The following LRRIQ1 variants were observed in gnomAD, a reference collection of about 807,000 sequenced individuals.
LRRIQ1 encodes the protein leucine-rich repeat- and IQ domain-containing protein 1.
A neutral mutation model predicts 211.9 loss-of-function variants in LRRIQ1; 210 were observed. That is an observed-to-expected ratio of 0.99 (90% confidence interval 0.89 to 1.11). LRRIQ1 has a LOEUF of 1.11. Among genes scored for constraint, LRRIQ1 ranks in the 50% most tolerant of loss-of-function variants. The pLI, the probability that LRRIQ1 is intolerant of heterozygous loss-of-function variation, is 0.00. For missense variants in LRRIQ1, 2,136 were observed against 1,939.5 expected, an observed-to-expected ratio of 1.10 and a Z score of -1.90; for synonymous variants, 699 against 650.1, an observed-to-expected ratio of 1.08 and a Z score of -1.14.
At chr12:85,214,661 A>T (rs1336956221) in intron 24 of LRRIQ1, among the ~76,000 whole-genome samples, 1 of 152,094 alleles carries the variant, frequency 6.6e-6, no homozygotes, top group Non-Finnish European at 1.5e-5. Context: ...GGTTTTCTAA[A>T]TCTTATTTTA....
At chr12:85,083,484 G>A (rs371075633) in intron 11 of LRRIQ1, among the ~76,000 whole-genome samples, 29 of 151,030 alleles carry the variant, frequency 1.9e-4, no homozygotes, top group African/African-American at 6.8e-4. Context: ...TCTGTCGCCA[G>A]GCTGGAGTGC....
rs61740038 is a variant in LRRIQ1, at chr12:85,124,199, A to G, written c.3687A>G (p.Glu1229=). The G allele has an allele frequency of 3.6e-3, 5,770 of 1,614,146 alleles. 175 individuals carry two copies. In the African/African-American group the frequency reaches 0.068, roughly 19 times the overall value. Residue 1229 remains glutamate, a synonymous_variant, in exon 17 of 27, where the codon GAA becomes GAG. Transcript: ENST00000393217. The stretch of plus-strand genomic sequence containing the variant: ...CTATCACCAAGAAAGATGAATCAGA[A>G]GCCCAGAAAAATCATTTGGCCCCTA... The part of the protein sequence containing the change: ...DVTITKKDES[E]AQKNHLAPTN...
At chr12:85,263,189 C>A (rs1410814711) in exon 2 of LRRIQ1, 4 of 458,526 alleles carry the variant, frequency 8.7e-6, no homozygotes, top group Non-Finnish European at 1.2e-5. Context: ...ACGTATTTCA[C>A]AAGTTTGTTT....
intron 24 of LRRIQ1, among the ~76,000 whole-genome samples, chr12:85,180,738 C>T (rs544427650): frequency 6.6e-6 from 1 of 151,936 alleles, no homozygotes; most frequent in Admixed American, 6.6e-5. Flanking sequence ...ATGTATTGAA[C>T]TTGGCTATTG....
intron 24 of LRRIQ1, among the ~76,000 whole-genome samples, chr12:85,215,269 T>G (rs533237063): frequency 6.6e-6 from 1 of 152,202 alleles, no homozygotes; most frequent in Non-Finnish European, 1.5e-5. Flanking sequence ...GTTGAAGATA[T>G]GCATACCCTA....
intron 21 of LRRIQ1, 91 bp downstream of exon 21, chr12:85,153,236 T>A (rs1237981573): frequency 8.4e-7 from 1 of 1,190,064 alleles, no homozygotes; most frequent in Non-Finnish European, 1.2e-6. Context: ...AAACTAGATG[T>A]GAATTTACTT....
At chr12:85,053,203 GAT>G (rs1369082754) in intron 7 of LRRIQ1, among the ~76,000 whole-genome samples, 2 of 152,068 alleles carry the variant, frequency 1.3e-5, no homozygotes, top group South Asian at 2.1e-4. Flanking sequence ...ATGGTGAAAA[GAT>G]ATAAAATTTG....
Position 85,193,430 on chromosome 12 carries a change from G to A in LRRIQ1, c.4822+32716G>A, listed in dbSNP as rs1592949288. ...TTAAGGGCAGCCAGAGAGAAAGGTC[G>A]GGTTACCCTCAAAGGGAAGCCCATC... On this transcript the variant is annotated intron_variant, in intron 24 of 26. Transcript: ENST00000393217. Among the ~76,000 whole-genome samples, 7 of 134,274 alleles carry A rather than the reference G, an allele frequency of 5.2e-5. No homozygotes were observed. The South Asian group carries it at 1.5e-3, about 29-fold the overall frequency. 88.1% of individuals were successfully genotyped at this position (134,274 alleles called of 152,430 possible). A position where few individuals can be genotyped will look rare whatever the true frequency, so the allele number is the denominator to read the frequency against.
intron 24 of LRRIQ1, among the ~76,000 whole-genome samples, chr12:85,182,839 G>A (rs1353295304): frequency 6.6e-6 from 1 of 152,152 alleles, no homozygotes; most frequent in African/African-American, 2.4e-5. Context: ...AATTCAACTT[G>A]ATGCCTGAAA....
At chr12:85,117,976 T>C (rs1408676985) in intron 15 of LRRIQ1, among the ~76,000 whole-genome samples, 38 of 152,160 alleles carry the variant, frequency 2.5e-4, no homozygotes, top group Non-Finnish European at 8.8e-5. Flanking sequence ...GGACAGCTGA[T>C]TTCTTCATTT....
At chr12:85,184,924 A>G (rs960008655) in intron 24 of LRRIQ1, among the ~76,000 whole-genome samples, 1 of 151,998 alleles carries the variant, frequency 6.6e-6, no homozygotes, top group African/African-American at 2.4e-5. Flanking sequence ...ATATTAAGAA[A>G]AGCCTCTGAA....
At chr12:85,151,403 C>A (rs1322486966) in intron 19 of LRRIQ1, among the ~76,000 whole-genome samples, 1 of 151,544 alleles carries the variant, frequency 6.6e-6, no homozygotes, top group South Asian at 2.1e-4. Flanking sequence ...GCATTTACAT[C>A]CCCTCAGAAT....
chr12:85,125,153 A>G (rs1020669148), intron 17 of LRRIQ1, among the ~76,000 whole-genome samples: 10 of 152,102 alleles, frequency 6.6e-5, no homozygotes, highest in African/African-American at 2.4e-4. Context: ...CACTCCAGCC[A>G]GGGTGACAGA....
chr12:85,048,795 T>C (rs73379743), intron 6 of LRRIQ1, among the ~76,000 whole-genome samples: 4 of 152,124 alleles, frequency 2.6e-5, no homozygotes. Context: ...GTAGTATTTG[T>C]TGGTTTGTAC....
chr12:85,149,598 A>T (rs183548796), intron 19 of LRRIQ1, among the ~76,000 whole-genome samples: 79 of 151,942 alleles, frequency 5.2e-4, no homozygotes, highest in Admixed American at 4.6e-3. Flanking sequence ...TTTAAAAAAC[A>T]GTGGTATATT....
intron 19 of LRRIQ1, among the ~76,000 whole-genome samples, chr12:85,143,061 T>A (rs893791621): frequency 6.6e-6 from 1 of 151,696 alleles, no homozygotes; most frequent in African/African-American, 2.4e-5. Flanking sequence ...TTATACTAAT[T>A]TACTTTTCCA....
intron 24 of LRRIQ1, among the ~76,000 whole-genome samples, chr12:85,165,518 G>T (rs1226325559): frequency 1.4e-5 from 2 of 146,106 alleles, no homozygotes; most frequent in African/African-American, 5.1e-5. Context: ...TGTCACCCAG[G>T]CTCAAGTGCA....
chr12:85,202,507 G>A (rs571987483), intron 24 of LRRIQ1, among the ~76,000 whole-genome samples: 10 of 152,136 alleles, frequency 6.6e-5, no homozygotes, highest in Admixed American at 3.3e-4. Context: ...AGGTCTTCTT[G>A]TTGAATTGAG....
At chr12:85,071,148 A>C (rs1401587421) in intron 10 of LRRIQ1, among the ~76,000 whole-genome samples, 1 of 151,960 alleles carries the variant, frequency 6.6e-6, no homozygotes, top group Non-Finnish European at 1.5e-5. Context: ...GCATTAGTCC[A>C]TCCTTTTCAC....
Sources: gnomAD v4.1 joint callset for allele counts (sites outside exome capture counted in the v4.1 genomes callset) on GRCh38, gnomAD v4.1.1 for gene constraint, MANE v1.5 for transcripts, NCBI Gene and HGNC (gene_info 2026-07-23, HGNC 2026-07-21) for gene names.